DLG1: variants seen among roughly 807,000 people sequenced by gnomAD.
DLG1 encodes the protein discs large MAGUK scaffold protein 1.
Under a neutral mutation model 123.4 loss-of-function variants are expected in DLG1, and 42 were observed. The observed-to-expected ratio is 0.34, with a 90% CI of 0.27 to 0.44. The LOEUF is 0.44. Ranked by LOEUF, DLG1 falls within the 20% of genes least tolerant of loss-of-function variation. The pLI is 1.00. For missense variants in DLG1, 942 were observed against 1,082.6 expected, an observed-to-expected ratio of 0.87 and a Z score of 1.82; for synonymous variants, 317 against 356.2, an observed-to-expected ratio of 0.89 and a Z score of 1.24.
Position 197,116,711 on chromosome 3 carries a change from G to A in DLG1, c.1287-628C>T, listed in dbSNP as rs574262842. On this transcript the variant is annotated intron_variant, in intron 12 of 24. Coordinates refer to ENST00000667157, the MANE Select transcript of DLG1 (RefSeq NM_001366207.1). ...AAACAAAATAAACAAAACCCCACAC[G>A]ACTGAATAATACAATCCCTTTACTG... Among the ~76,000 whole-genome samples, 35 of 152,094 alleles carry A rather than the reference G, an allele frequency of 2.3e-4. No individual in the cohort carries two copies. In the South Asian group the frequency reaches 4.6e-3, roughly 20 times the overall value.
chr3:197,196,632 A>G (rs1346362170), intron 4 of DLG1, among the ~76,000 whole-genome samples: 1 of 152,222 alleles, frequency 6.6e-6, no homozygotes, highest in East Asian at 1.9e-4. Context: ...TAAAAAACTG[A>G]CAATAAACTG....
At chr3:197,124,206 G>A (rs978583162) in intron 11 of DLG1, among the ~76,000 whole-genome samples, 2 of 152,208 alleles carry the variant, frequency 1.3e-5, no homozygotes, top group African/African-American at 2.4e-5. Flanking sequence ...ACTGCAGCCT[G>A]AGCAGCTGAG....
intron 4 of DLG1, among the ~76,000 whole-genome samples, chr3:197,267,751 C>G (rs116276732): frequency 6.6e-6 from 1 of 152,002 alleles, no homozygotes; most frequent in African/African-American, 2.4e-5. Context: ...TATTCTTTTC[C>G]CGAGATAACC....
intron 14 of DLG1, among the ~76,000 whole-genome samples, chr3:197,094,836 T>C (rs1232653787): frequency 1.3e-5 from 2 of 152,242 alleles, no homozygotes; most frequent in Non-Finnish European, 2.9e-5. Context: ...GTTCACTCCA[T>C]TGTCTTCTAT....
In DLG1 at chr3:197,083,479, T is replaced by C. The variant is rs1007644251; in HGVS notation, c.1838+2101A>G. 2.6e-5 allele frequency among the ~76,000 whole-genome samples: 4 copies of C among 152,188 alleles called. No homozygotes were observed. The East Asian group carries it at 5.8e-4, about 22-fold the overall frequency. ...AATGATTTGGATGAAGCAGATCTCA[T>C]AAATAAGCTATCTCAGGGGAATTCT... On this transcript the variant is annotated intron_variant, in intron 16 of 24. Transcript: ENST00000667157.
chr3:197,063,519 C>T (rs1737305175), intron 22 of DLG1, among the ~76,000 whole-genome samples: 1 of 152,208 alleles, frequency 6.6e-6, no homozygotes, highest in African/African-American at 2.4e-5. Flanking sequence ...TTATTTTATA[C>T]CGTAGATATT....
At chr3:197,086,848 G>C (rs1754692635) in intron 15 of DLG1, among the ~76,000 whole-genome samples, 1 of 152,088 alleles carries the variant, frequency 6.6e-6, no homozygotes, top group South Asian at 2.1e-4. Flanking sequence ...AAGACATTCA[G>C]AAAAGGAAAA....
At chr3:197,296,953 T>TGG (rs57644562) in intron 2 of DLG1, 49,642 of 497,530 alleles carry the variant, frequency 0.1, 1,482 homozygotes, top group East Asian at 0.23. Flanking sequence ...GGACATCTGT[T>TGG]GGGGGGGGGC....
At chr3:197,290,078 A>AT (rs1197070535) in intron 3 of DLG1, among the ~76,000 whole-genome samples, 3 of 152,200 alleles carry the variant, frequency 2.0e-5, no homozygotes, top group Non-Finnish European at 4.4e-5. Flanking sequence ...AGGGCATCTC[A>AT]TAAGGACACA....
chr3:197,170,608 T>C (rs1803701433), intron 5 of DLG1, among the ~76,000 whole-genome samples: 2 of 152,206 alleles, frequency 1.3e-5, no homozygotes, highest in African/African-American at 4.8e-5. Context: ...TGTAAATTTC[T>C]TGAAGTTCCT....
chr3:197,193,877 T>C (rs1721008320), intron 5 of DLG1, among the ~76,000 whole-genome samples: 1 of 151,922 alleles, frequency 6.6e-6, no homozygotes, highest in East Asian at 1.9e-4. Context: ...TGGAGTGCAG[T>C]GGCGTAATCT....
At chr3:197,052,701 A>G (rs1312489438) in intron 23 of DLG1, among the ~76,000 whole-genome samples, 1 of 152,196 alleles carries the variant, frequency 6.6e-6, no homozygotes, top group Admixed American at 6.5e-5. Flanking sequence ...CAACCATATA[A>G]ATAACACCAT....
chr3:197,071,738 G>A (rs1744073693), intron 18 of DLG1, among the ~76,000 whole-genome samples: 1 of 152,172 alleles, frequency 6.6e-6, no homozygotes, highest in Admixed American at 6.6e-5. Context: ...ACCACAAAGA[G>A]TGTCTCTGCC....
intron 15 of DLG1, among the ~76,000 whole-genome samples, chr3:197,089,612 A>T (rs1257269259): frequency 1.3e-5 from 2 of 152,138 alleles, no homozygotes; most frequent in Admixed American, 1.3e-4. Context: ...ACCGAAAATA[A>T]ATATAACCTA....
intron 5 of DLG1, among the ~76,000 whole-genome samples, chr3:197,157,833 T>C (rs1388455994): frequency 1.3e-5 from 2 of 152,204 alleles, no homozygotes; most frequent in Non-Finnish European, 2.9e-5. Context: ...GGTACTGGCA[T>C]GCAGACAGAC....
rs551964862 is a variant in DLG1, at chr3:197,295,941, C to T, written c.151+405G>A. On this transcript the variant is annotated intron_variant, in intron 3 of 24. Coordinates refer to ENST00000667157, the MANE Select transcript of DLG1 (RefSeq NM_001366207.1). ...TGACTCCATGAATGCCAAGCTCAAA[C>T]AGAAATCTACATTAAGGGAATGAAT... Among the ~76,000 whole-genome samples the T allele has an allele frequency of 2.6e-4, 40 of 152,296 alleles. No homozygotes were observed. In the South Asian group the frequency reaches 8.1e-3, roughly 31 times the overall value.
intron 12 of DLG1, among the ~76,000 whole-genome samples, chr3:197,117,909 AATC>A (rs1774201653): frequency 6.6e-6 from 1 of 152,202 alleles, no homozygotes. Flanking sequence ...ATGATATGTG[AATC>A]ATATCTCAAT....
chr3:197,278,282 CAAAAAAAAAAAAAAAAA>C (rs71164203), intron 4 of DLG1, among the ~76,000 whole-genome samples: 6 of 37,526 alleles, frequency 1.6e-4, no homozygotes, highest in Admixed American at 1.0e-3. Flanking sequence ...GACTCTGTCC[CAAAAAAAAAAAAAAAAA>C]AAAAAAAAAA....
At chr3:197,066,674 G>A in intron 20 of DLG1, 30 bp downstream of exon 20, 1 of 1,524,058 alleles carries the variant, frequency 6.6e-7, no homozygotes, top group South Asian at 1.2e-5. Flanking sequence ...TCTTCTAGAA[G>A]GTTATAAAAC....
Sources: gnomAD v4.1 joint callset for allele counts (sites outside exome capture counted in the v4.1 genomes callset) on GRCh38, gnomAD v4.1.1 for gene constraint, MANE v1.5 for transcripts, NCBI Gene and HGNC (gene_info 2026-07-23, HGNC 2026-07-21) for gene names.